CCDC171: variants seen among roughly 807,000 people sequenced by gnomAD.
The protein encoded by CCDC171 is coiled-coil domain-containing protein 171.
In CCDC171, 177 loss-of-function variants were observed where a neutral mutation model predicts 168.2. The observed-to-expected ratio is 1.05, with a 90% CI of 0.93 to 1.19. The LOEUF (loss-of-function observed/expected upper bound fraction) is 1.19. CCDC171 is among the 50% of genes most tolerant of loss of function. The probability of loss-of-function intolerance (pLI) is 0.00; values close to 1 mark genes in which losing one functional copy is unlikely to be tolerated. For missense variants in CCDC171, 1,991 were observed against 1,539.0 expected, an observed-to-expected ratio of 1.29 and a Z score of -4.91; for synonymous variants, 687 against 540.8, an observed-to-expected ratio of 1.27 and a Z score of -3.75.
At chr9:15,857,821 AG>A (rs2061404195) in intron 23 of CCDC171, among the ~76,000 whole-genome samples, 1 of 152,020 alleles carries the variant, frequency 6.6e-6, no homozygotes, top group East Asian at 1.9e-4. Context: ...ACTCTTGTCA[AG>A]GATCAATTGA....
intron 7 of CCDC171, among the ~76,000 whole-genome samples, chr9:15,644,355 G>A (rs755144647): frequency 3.9e-5 from 6 of 152,168 alleles, no homozygotes; most frequent in South Asian, 2.1e-4. Flanking sequence ...TCCAACTGAG[G>A]TACTGGGTTC....
chr9:16,053,588 C>T (rs1198776339), intron 1 of CCDC171, among the ~76,000 whole-genome samples: 2 of 152,234 alleles, frequency 1.3e-5, no homozygotes, highest in African/African-American at 2.4e-5. Flanking sequence ...CTCCTGCTCC[C>T]GTGCCTCTCC....
chr9:16,033,156 T>G (rs1175658029), intron 6 of CCDC171, among the ~76,000 whole-genome samples: 1 of 152,158 alleles, frequency 6.6e-6, no homozygotes, highest in Non-Finnish European at 1.5e-5. Context: ...AGGCATCATC[T>G]CAATACCACA....
intron 3 of CCDC171, among the ~76,000 whole-genome samples, chr9:16,007,754 T>C (rs955081971): frequency 1.3e-5 from 2 of 152,238 alleles, no homozygotes; most frequent in African/African-American, 4.8e-5. Flanking sequence ...ATGTGTGGTA[T>C]TATTTCTGAG....
At chr9:15,665,668 C>G (rs757571156) in intron 8 of CCDC171, among the ~76,000 whole-genome samples, 2 of 152,070 alleles carry the variant, frequency 1.3e-5, no homozygotes, top group Non-Finnish European at 2.9e-5. Context: ...GTAGTCCCAG[C>G]TACTTGAGAA....
chr9:15,909,574 A>T (rs1003490573), intron 24 of CCDC171, among the ~76,000 whole-genome samples: 1 of 152,224 alleles, frequency 6.6e-6, no homozygotes, highest in Non-Finnish European at 1.5e-5. Flanking sequence ...AAACTAGAGT[A>T]CAATTCCACA....
At position 15,724,816 on chromosome 9, in the gene CCDC171, G is replaced by A. The variant is rs1174890142; in HGVS notation, c.1532G>A (p.Ser511Asn). ...CTGGCTGATGTTAATAAAGAGTTAA[G>A]TCATTTACACACTAAATGTGCAGAC... ...DKLADVNKEL[S>N]HLHTKCADRE... The change falls in exon 14 of 26, where the codon AGT becomes AAT. Residue 511 changes from serine to asparagine, a missense_variant. Coordinates refer to ENST00000380701, the MANE Select transcript of CCDC171 (RefSeq NM_173550.4). 1 of 1,613,762 alleles carries A rather than the reference G, an allele frequency of 6.2e-7. No homozygotes were observed. Among genetic ancestry groups the A allele is most frequent in the Non-Finnish European group, 8.5e-7 (1 of 1,179,732 alleles).
At chr9:15,775,867 G>T (rs1191799585) in intron 18 of CCDC171, among the ~76,000 whole-genome samples, 1 of 152,186 alleles carries the variant, frequency 6.6e-6, no homozygotes, top group African/African-American at 2.4e-5. Flanking sequence ...ACCCATGTAT[G>T]CTGGGCTGGC....
the CCDC171 span, among the ~76,000 whole-genome samples, chr9:16,108,210 A>C: frequency 6.6e-6 from 1 of 152,244 alleles, no homozygotes; most frequent in Non-Finnish European, 1.5e-5. Context: ...ATGATACTCC[A>C]ATCAGTTGAG....
chr9:15,941,877 A>G (rs1331628272), intron 25 of CCDC171, among the ~76,000 whole-genome samples: 3 of 151,922 alleles, frequency 2.0e-5, no homozygotes, highest in Non-Finnish European at 4.4e-5. Flanking sequence ...GTTTGTTTTT[A>G]CTTACATTCA....
chr9:15,697,447 C>T (rs1029975454), intron 11 of CCDC171, among the ~76,000 whole-genome samples: 7 of 152,198 alleles, frequency 4.6e-5, no homozygotes, highest in African/African-American at 1.2e-4. Flanking sequence ...ATTTAATTTA[C>T]ATCCTGATTG....
At chr9:15,734,957 T>C (rs950363302) in intron 16 of CCDC171, among the ~76,000 whole-genome samples, 1 of 152,204 alleles carries the variant, frequency 6.6e-6, no homozygotes, top group African/African-American at 2.4e-5. Flanking sequence ...GTCTTATGTT[T>C]AATATTTGGC....
Position 15,678,742 on chromosome 9 carries a change from C to A in CCDC171, c.1077-16C>A, listed in dbSNP as rs1295239654. 1.3e-6 allele frequency: 2 copies of A among 1,573,740 alleles called. No individual in the cohort carries two copies. Among genetic ancestry groups the A allele is most frequent in the East Asian group, 4.5e-5 (2 of 44,324 alleles). ...AGCATGTTTGAAAAACCTGCTCTGA[C>A]ACTTTAACTTTTCAGATTAGAAAAA... On this transcript the variant is annotated splice_polypyrimidine_tract_variant and intron_variant, in intron 9 of 25. Coordinates refer to ENST00000380701, the MANE Select transcript of CCDC171 (RefSeq NM_173550.4).
chr9:15,981,552 G>T (rs1292367980), intron 3 of CCDC171, among the ~76,000 whole-genome samples: 3 of 152,172 alleles, frequency 2.0e-5, no homozygotes, highest in African/African-American at 7.2e-5. Flanking sequence ...GTATGATGAG[G>T]ATGACAAATA....
At chr9:15,777,263 G>A (rs1216486451) in intron 18 of CCDC171, among the ~76,000 whole-genome samples, 2 of 152,146 alleles carry the variant, frequency 1.3e-5, no homozygotes, top group Non-Finnish European at 2.9e-5. Flanking sequence ...TGGCATGAAG[G>A]TAACAAGCTT....
At chr9:15,561,271 A>G (rs1348535683) in intron 1 of CCDC171, among the ~76,000 whole-genome samples, 1 of 152,200 alleles carries the variant, frequency 6.6e-6, no homozygotes, top group East Asian at 1.9e-4. Context: ...GTTTTGTGAC[A>G]GTTGGAATGA....
Position 15,725,612 on chromosome 9 carries a change from G to A in CCDC171, c.1692+636G>A, listed in dbSNP as rs534379283. Among the ~76,000 whole-genome samples the A allele has an allele frequency of 2.9e-4, 44 of 152,100 alleles. No homozygotes were observed. The East Asian group carries it at 8.5e-3, about 29-fold the overall frequency. ...TTACAGGTGTCCACCACCATGCCTG[G>A]CTAATTTTTGTATTTTTAGTAGAGA... On this transcript the variant is annotated intron_variant, in intron 14 of 25. Transcript: ENST00000380701.
At position 15,677,911 on chromosome 9, in the gene CCDC171, T is replaced by C. The variant is rs1384549801; in HGVS notation, c.1077-847T>C. Among the ~76,000 whole-genome samples, 6 of 27,694 alleles carry C rather than the reference T, an allele frequency of 2.2e-4. 1 individual carries two copies. Among genetic ancestry groups the C allele is most frequent in the Non-Finnish European group, 3.6e-4 (6 of 16,754 alleles). 18.2% of individuals were successfully genotyped at this position (27,694 alleles called of 152,430 possible). Reference sequence around the variant, plus strand: ...ATATATATATATATATATATATATATATATATATATATATAAGAGATGTGG... The same window carrying C: ...ATATATATATATATATATATATATACATATATATATATATAAGAGATGTGG... On this transcript the variant is annotated intron_variant, in intron 9 of 25. Transcript: ENST00000380701.
chr9:16,064,254 C>T (rs769229676), downstream of CCDC171, among the ~76,000 whole-genome samples: 1 of 152,120 alleles, frequency 6.6e-6, no homozygotes, highest in Non-Finnish European at 1.5e-5. Flanking sequence ...GTTTTTTCCC[C>T]CTGAATTCTC....
Sources: gnomAD v4.1 joint callset for allele counts (sites outside exome capture counted in the v4.1 genomes callset) on GRCh38, gnomAD v4.1.1 for gene constraint, MANE v1.5 for transcripts, NCBI Gene and HGNC (gene_info 2026-07-23, HGNC 2026-07-21) for gene names.